The following STK24 variants were observed in gnomAD, a reference collection of about 807,000 sequenced individuals.
STK24 encodes serine/threonine-protein kinase 24.
STK24 carries 21 observed loss-of-function variants against 55.6 expected under a neutral mutation model. The observed-to-expected ratio is 0.38, with a 90% confidence interval of 0.27 to 0.54. The LOEUF (loss-of-function observed/expected upper bound fraction) is 0.54. Ranked by LOEUF, STK24 falls within the 20% of genes least tolerant of loss-of-function variation. The probability of loss-of-function intolerance (pLI) is 0.79; values close to 1 mark genes in which losing one functional copy is unlikely to be tolerated. For synonymous variants in STK24, 200 were observed against 215.2 expected (o/e 0.93, Z 0.62); for missense variants, 383 against 538.4 (o/e 0.71, Z 2.86).
chr13:98,566,692 C>G (rs543193611), intron 1 of STK24, among the ~76,000 whole-genome samples: 2 of 152,320 alleles, frequency 1.3e-5, no homozygotes, highest in African/African-American at 4.8e-5. Flanking sequence ...CCAGCCATGC[C>G]ACAGGCTCAG....
At chr13:98,543,890 A>T (rs1251818864) in intron 1 of STK24, among the ~76,000 whole-genome samples, 1 of 152,168 alleles carries the variant, frequency 6.6e-6, no homozygotes. Context: ...TATACAAAAG[A>T]AACTTGATTT....
chr13:98,475,705 G>A (rs1487968400), intron 3 of STK24, among the ~76,000 whole-genome samples: 2 of 151,844 alleles, frequency 1.3e-5, no homozygotes, highest in South Asian at 2.1e-4. Flanking sequence ...GGAAGCCCAC[G>A]ACCCGGCCTG....
intron 2 of STK24, among the ~76,000 whole-genome samples, chr13:98,507,778 G>C (rs1352207524): frequency 6.6e-6 from 1 of 152,186 alleles, no homozygotes; most frequent in African/African-American, 2.4e-5. Context: ...CCAGAGCACA[G>C]AGTCAGGAAG....
intron 3 of STK24, among the ~76,000 whole-genome samples, chr13:98,475,567 A>G (rs772084255): frequency 1.3e-4 from 20 of 149,346 alleles, no homozygotes; most frequent in Non-Finnish European, 2.8e-4. Flanking sequence ...GCTTTGCTCA[A>G]TGAAGCCAAG....
chr13:98,470,782 C>T (rs1894115334), intron 5 of STK24, among the ~76,000 whole-genome samples: 1 of 152,194 alleles, frequency 6.6e-6, no homozygotes, highest in African/African-American at 2.4e-5. Context: ...GCTAGCTACA[C>T]ATCTGAAGAT....
intron 2 of STK24, among the ~76,000 whole-genome samples, chr13:98,495,597 A>T (rs1317474933): frequency 6.6e-6 from 1 of 152,246 alleles, no homozygotes; most frequent in Non-Finnish European, 1.5e-5. Flanking sequence ...CTGGACAGAG[A>T]AAAACATAAA....
chr13:98,566,538 A>G (rs113306665), intron 1 of STK24, among the ~76,000 whole-genome samples: 2,189 of 152,346 alleles, frequency 0.014, 57 homozygotes, highest in African/African-American at 0.049. Context: ...TCTGACAGCC[A>G]TTCCCTCAGC....
At chr13:98,551,554 C>G (rs1555311875) in intron 1 of STK24, among the ~76,000 whole-genome samples, 1 of 151,944 alleles carries the variant, frequency 6.6e-6, no homozygotes, top group Non-Finnish European at 1.5e-5. Flanking sequence ...AAAACCTAAC[C>G]CTTCTCATCT....
At chr13:98,520,574 G>T (rs182563409) in intron 1 of STK24, among the ~76,000 whole-genome samples, 1 of 152,228 alleles carries the variant, frequency 6.6e-6, no homozygotes, top group African/African-American at 2.4e-5. Flanking sequence ...GAAGAAAGAT[G>T]ACACAGAAGA....
At chr13:98,575,156 C>T (rs2139475385) in intron 1 of STK24, among the ~76,000 whole-genome samples, 1 of 152,192 alleles carries the variant, frequency 6.6e-6, no homozygotes, top group South Asian at 2.1e-4. Context: ...ACCTACACAC[C>T]TCTAAATTCA....
intron 5 of STK24, among the ~76,000 whole-genome samples, chr13:98,470,804 GATTTT>G (rs1044438686): frequency 6.6e-6 from 1 of 152,130 alleles, no homozygotes; most frequent in African/African-American, 2.4e-5. Flanking sequence ...CAATTTAAGT[GATTTT>G]AATTATATAG....
chr13:98,539,528 T>G (rs2139417261), intron 1 of STK24, among the ~76,000 whole-genome samples: 1 of 152,014 alleles, frequency 6.6e-6, no homozygotes, highest in African/African-American at 2.4e-5. Context: ...GCTGGCCCAG[T>G]GTTCTTCTCT....
chr13:98,448,223 T>A lies in STK24; in HGVS notation c.*4950A>T. 6.2e-7 allele frequency: 1 copy of A among 1,611,826 alleles called. No homozygotes were observed. On this transcript the variant is annotated 3_prime_UTR_variant, in exon 11 of 11. Transcript: ENST00000539966. ...AAACAAAAGGTTGACTAACTGGCGT[T>A]CCCGTGTTGCAGGTGGATGGAAGTG...
intron 3 of STK24, among the ~76,000 whole-genome samples, chr13:98,478,802 G>A (rs1226887209): frequency 9.7e-6 from 1 of 102,732 alleles, no homozygotes; most frequent in African/African-American, 3.5e-5. Flanking sequence ...GGATTCTCTG[G>A]CAACACTGGC....
intron 2 of STK24, among the ~76,000 whole-genome samples, chr13:98,512,786 G>A (rs1385113408): frequency 1.3e-5 from 2 of 152,076 alleles, no homozygotes; most frequent in Non-Finnish European, 2.9e-5. Flanking sequence ...AATGTCTCAG[G>A]GAATATTAAC....
chr13:98,510,130 G>A (rs984120946), intron 2 of STK24, among the ~76,000 whole-genome samples: 6 of 152,186 alleles, frequency 3.9e-5, no homozygotes, highest in African/African-American at 1.4e-4. Context: ...CATTACCCCA[G>A]GACGTGTGGG....
chr13:98,560,604 C>T (rs765512697), intron 1 of STK24, among the ~76,000 whole-genome samples: 4 of 152,112 alleles, frequency 2.6e-5, no homozygotes, highest in East Asian at 1.9e-4. Context: ...TCTGGCCAGG[C>T]GCGGTGGCTC....
chr13:98,576,570 C>G (rs1046917906), intron 1 of STK24, among the ~76,000 whole-genome samples, 175 bp downstream of exon 1: 1 of 151,820 alleles, frequency 6.6e-6, no homozygotes, highest in African/African-American at 2.4e-5. Flanking sequence ...CCGCCGGAGC[C>G]GGCAGGGACG....
intron 2 of STK24, among the ~76,000 whole-genome samples, chr13:98,483,550 C>T (rs766989112): frequency 1.5e-4 from 23 of 152,306 alleles, no homozygotes; most frequent in South Asian, 4.1e-4. Flanking sequence ...TTTGAGAACA[C>T]GCCCCAACTT....
Sources: allele counts gnomAD v4.1 joint callset (sites outside exome capture counted in the v4.1 genomes callset), GRCh38; gene constraint gnomAD v4.1.1; transcripts MANE v1.5; gene names NCBI Gene and HGNC (gene_info 2026-07-23, HGNC 2026-07-21).